RABGAP1: variants seen among roughly 807,000 people sequenced by gnomAD.
RABGAP1 encodes the protein RAB GTPase activating protein 1, also known as rab GTPase-activating protein 1.
A neutral mutation model predicts 137.6 loss-of-function variants in RABGAP1; 23 were observed. The observed-to-expected ratio is 0.17, with a 90% CI of 0.12 to 0.24. The LOEUF is 0.24. Among genes scored for constraint, RABGAP1 ranks in the 10% least tolerant of loss-of-function variants. The pLI is 1.00. For missense variants in RABGAP1, 906 were observed against 1,275.8 expected (o/e 0.71, Z 4.42); for synonymous variants, 451 against 450.7 (o/e 1.00, Z -0.01).
intron 14 of RABGAP1, among the ~76,000 whole-genome samples, chr9:123,069,073 T>G (rs2034272034): frequency 6.6e-6 from 1 of 152,036 alleles, no homozygotes; most frequent in African/African-American, 2.4e-5. Flanking sequence ...AAAACAGAAC[T>G]CTGAAAAAGA....
chr9:123,089,518 A>C (rs773524975), intron 19 of RABGAP1: 6 of 443,932 alleles, frequency 1.4e-5, no homozygotes, highest in Non-Finnish European at 2.4e-5. Flanking sequence ...TGTTCATTCT[A>C]ATACTGTCAG....
the RABGAP1 span, among the ~76,000 whole-genome samples, chr9:122,934,299 C>T: frequency 6.6e-6 from 1 of 151,096 alleles, no homozygotes; most frequent in Non-Finnish European, 1.5e-5. Context: ...AGGATGGTCT[C>T]GATCTCCTGA....
chr9:123,001,876 C>T (rs1837339096), intron 10 of RABGAP1, among the ~76,000 whole-genome samples: 1 of 151,994 alleles, frequency 6.6e-6, no homozygotes, highest in African/African-American at 2.4e-5. Flanking sequence ...CTCTGGGACA[C>T]CAAATTAATA....
At chr9:123,012,823 G>T (rs2030921742) in intron 11 of RABGAP1, among the ~76,000 whole-genome samples, 1 of 152,180 alleles carries the variant, frequency 6.6e-6, no homozygotes, top group South Asian at 2.1e-4. Context: ...GGAGAACTGG[G>T]ACTAAAGAAA....
chr9:122,998,815 T>C (rs1405921381), intron 10 of RABGAP1, 49 bp downstream of exon 10: 1 of 1,296,782 alleles, frequency 7.7e-7, no homozygotes, highest in Non-Finnish European at 1.1e-6. Flanking sequence ...AAAGGAGAAA[T>C]CACGTCTGAG....
At chr9:122,992,968 A>G (rs1387804939) in intron 6 of RABGAP1, among the ~76,000 whole-genome samples, 1 of 151,682 alleles carries the variant, frequency 6.6e-6, no homozygotes, top group African/African-American at 2.4e-5. Flanking sequence ...TTATCCAGTA[A>G]TTCTGTAATA....
At chr9:123,065,496 T>G (rs771912556) in intron 14 of RABGAP1, 35 bp downstream of exon 14, 24 of 1,385,092 alleles carry the variant, frequency 1.7e-5, no homozygotes, top group African/African-American at 2.9e-5. Context: ...GACTCAATTC[T>G]GAGTGGTGGT....
intron 12 of RABGAP1, among the ~76,000 whole-genome samples, chr9:123,016,741 C>A (rs2031258965): frequency 6.6e-6 from 1 of 152,104 alleles, no homozygotes. Context: ...CCCTATTGGC[C>A]TGTTACTTTG....
chr9:123,003,853 A>G (rs1271250597), intron 10 of RABGAP1, among the ~76,000 whole-genome samples: 1 of 152,248 alleles, frequency 6.6e-6, no homozygotes, highest in Non-Finnish European at 1.5e-5. Context: ...GACCAATTAA[A>G]CATTCTTATA....
At chr9:123,003,343 A>G (rs530091089) in intron 10 of RABGAP1, among the ~76,000 whole-genome samples, 16 of 152,348 alleles carry the variant, frequency 1.1e-4, no homozygotes, top group South Asian at 4.1e-4. Context: ...AACAAAACAT[A>G]TATCTAAGCC....
rs1368695273 is a variant in RABGAP1, at chr9:122,942,674, A to AAAAAAC, written c.-50+1586_-50+1587insCAAAAA. 4.6e-5 allele frequency among the ~76,000 whole-genome samples: 7 copies of AAAAAAC among 151,044 alleles called. No individual in the cohort carries two copies. The South Asian group carries it at 6.3e-4, about 14-fold the overall frequency. On this transcript the variant is annotated intron_variant, in intron 1 of 25. Transcript: ENST00000373647. Reference sequence around the variant, plus strand: ...AACAGAGCGAGACTCCGTCTCAAAAAAAAAAAAAAAAAAACACAAAAAAAC... The same window carrying AAAAAAC: ...AACAGAGCGAGACTCCGTCTCAAAAAAAAAACAAAAAAAAAAAAAACACAAAAAAAC...
At chr9:122,984,267 T>C (rs1836245832) in intron 2 of RABGAP1, among the ~76,000 whole-genome samples, 1 of 152,202 alleles carries the variant, frequency 6.6e-6, no homozygotes, top group Non-Finnish European at 1.5e-5. Context: ...AGTCTCAAGT[T>C]CACTATGTAC....
At chr9:123,045,219 A>G (rs1036103661) in intron 13 of RABGAP1, among the ~76,000 whole-genome samples, 3 of 152,226 alleles carry the variant, frequency 2.0e-5, no homozygotes. Flanking sequence ...CAAAAGTTAT[A>G]GCATTTAAAT....
chr9:122,946,032 A>G (rs1833929740), intron 1 of RABGAP1: 1 of 152,202 alleles, frequency 6.6e-6, no homozygotes, highest in Non-Finnish European at 1.5e-5. Context: ...AAAAGAGTAG[A>G]ACAAGGAGTT....
At chr9:123,069,724 A>T (rs1471177764) in intron 14 of RABGAP1, among the ~76,000 whole-genome samples, 1 of 152,090 alleles carries the variant, frequency 6.6e-6, no homozygotes, top group Non-Finnish European at 1.5e-5. Context: ...TCTATAAAAA[A>T]TTTTTAAAAA....
chr9:122,964,696 CA>C (rs1227107321), intron 2 of RABGAP1, among the ~76,000 whole-genome samples: 1 of 152,176 alleles, frequency 6.6e-6, no homozygotes, highest in Non-Finnish European at 1.5e-5. Flanking sequence ...CGATCTTCAA[CA>C]TTGTGCTAGG....
rs1366953799 is a variant in RABGAP1, at chr9:123,104,037, T to A, written c.*824T>A. 1 of 151,202 alleles carries A rather than the reference T, an allele frequency of 6.6e-6. No individual in the cohort carries two copies. Among genetic ancestry groups the A allele is most frequent in the Non-Finnish European group, 1.5e-5 (1 of 67,760 alleles). The allele number at this position is 151,202 out of a possible 1,614,324, so 9.4% of individuals were successfully genotyped here. A position where few individuals can be genotyped will look rare whatever the true frequency, so the allele number is the denominator to read the frequency against. The stretch of plus-strand genomic sequence containing the variant: ...TAAATATCTTTCCCAATATGCCCCG[T>A]TGACAGTGTTTAAATTCCAGACTAG... On this transcript the variant is annotated 3_prime_UTR_variant, in exon 26 of 26. Transcript: ENST00000373647.
chr9:123,040,540 C>T (rs2032902861), intron 13 of RABGAP1, among the ~76,000 whole-genome samples: 1 of 152,112 alleles, frequency 6.6e-6, no homozygotes, highest in Non-Finnish European at 1.5e-5. Context: ...ACTTCTGTTA[C>T]TTGTCTTTTA....
intron 15 of RABGAP1, chr9:123,071,518 G>T (rs927287448): frequency 2.0e-5 from 3 of 152,188 alleles, no homozygotes; most frequent in Non-Finnish European, 4.4e-5. Flanking sequence ...AAGAGACATG[G>T]TCTCAATCCT....
Sources: allele counts gnomAD v4.1 joint callset (sites outside exome capture counted in the v4.1 genomes callset), GRCh38; gene constraint gnomAD v4.1.1; transcripts MANE v1.5; gene names NCBI Gene and HGNC (gene_info 2026-07-23, HGNC 2026-07-21).